NRP2: variants seen among roughly 807,000 people sequenced by gnomAD.
The protein encoded by NRP2 is neuropilin 2.
NRP2 carries 52 observed loss-of-function variants against 110.4 expected under a neutral mutation model. That is an observed-to-expected ratio of 0.47 (90% CI 0.38 to 0.59). The LOEUF is 0.59. NRP2 is among the 20% of genes least tolerant of loss of function. The pLI, the probability that NRP2 is intolerant of heterozygous loss-of-function variation, is 0.00. For missense variants in NRP2, 1,049 were observed against 1,203.0 expected (o/e 0.87, Z 1.89); for synonymous variants, 508 against 468.9 (o/e 1.08, Z -1.08).
At chr2:205,766,497 A>C (rs2057920372) in intron 14 of NRP2, among the ~76,000 whole-genome samples, 1 of 152,208 alleles carries the variant, frequency 6.6e-6, no homozygotes, top group Non-Finnish European at 1.5e-5. Flanking sequence ...AGTAATCAGC[A>C]GTAAGTAACT....
At chr2:205,697,788 C>A in intron 2 of NRP2, 67 bp downstream of exon 2, 1 of 1,465,878 alleles carries the variant, frequency 6.8e-7, no homozygotes, top group Non-Finnish European at 9.6e-7. Context: ...CCCACCCCTG[C>A]TCTTGTCACT....
intron 15 of NRP2, among the ~76,000 whole-genome samples, chr2:205,774,351 C>T (rs1035651882): frequency 1.3e-5 from 2 of 152,092 alleles, no homozygotes; most frequent in South Asian, 2.1e-4. Flanking sequence ...TAGTAAAAGA[C>T]AGAATTAGTT....
intron 15 of NRP2, among the ~76,000 whole-genome samples, chr2:205,780,618 GCCT>G (rs2058163076): frequency 6.6e-6 from 1 of 152,120 alleles, no homozygotes; most frequent in African/African-American, 2.4e-5. Context: ...TTTATCAGAG[GCCT>G]TCTGACAACC....
rs2056891267 is a variant in NRP2, at chr2:205,716,207, A to G, written c.266A>G (p.Glu89Gly). ...TCCCCACCCAGGTATGACTTTATCG[A>G]GATTCGGGATGGGGACAGTGAATCC... ...EKHDCKYDFI[E>G]IRDGDSESAD... Residue 89 changes from glutamate to glycine, a missense_variant, in exon 3 of 17, where the codon GAG (glutamate) becomes GGG (glycine). Transcript: ENST00000357785. The G allele has an allele frequency of 1.9e-6, 3 of 1,614,014 alleles. No individual in the cohort carries two copies. Among genetic ancestry groups the G allele is most frequent in the African/African-American group, 1.3e-5 (1 of 74,900 alleles).
intron 8 of NRP2, 31 bp from the exon 9 acceptor site, chr2:205,743,172 G>A (rs1365191994): frequency 1.2e-6 from 2 of 1,605,450 alleles, no homozygotes; most frequent in South Asian, 2.2e-5. Context: ...TGTCAGCCAT[G>A]ACCTCTTGTA....
intron 2 of NRP2, among the ~76,000 whole-genome samples, chr2:205,715,879 A>T (rs567203090): frequency 6.6e-6 from 1 of 152,334 alleles, no homozygotes. Context: ...CATAATGGAA[A>T]TAAAAATGGT....
At chr2:205,685,990 C>A (rs1303635758) in intron 1 of NRP2, among the ~76,000 whole-genome samples, 4 of 152,256 alleles carry the variant, frequency 2.6e-5, no homozygotes, top group Non-Finnish European at 5.9e-5. Context: ...GTGCGGCCAT[C>A]CACGTGGTGG....
At chr2:205,746,281 G>T (rs2057537820) in intron 10 of NRP2, among the ~76,000 whole-genome samples, 1 of 152,228 alleles carries the variant, frequency 6.6e-6, no homozygotes, top group African/African-American at 2.4e-5. Context: ...CTGGCCTCCA[G>T]ATGTCAGTGG....
rs77771583 is a variant in NRP2 at position 205,692,781 on chromosome 2, G to T, written c.74-4763G>T. ...TGAGTAAATGTCTTATTGTCTAGGA[G>T]GGTAGAGAATCTTTTGAATTCTTGG... On this transcript the variant is annotated intron_variant, in intron 1 of 16. Transcript: ENST00000357785. Among the ~76,000 whole-genome samples the T allele has an allele frequency of 3.9e-3, 598 of 152,302 alleles. 3 individuals are homozygous for T. The highest frequency in any genetic ancestry group is 0.013 in the African/African-American group (522 of 41,574).
chr2:205,733,741 C>T (rs983824623), intron 7 of NRP2, among the ~76,000 whole-genome samples: 4 of 152,116 alleles, frequency 2.6e-5, no homozygotes, highest in Non-Finnish European at 4.4e-5. Flanking sequence ...GACTGTTCCC[C>T]CCAAGCCCGC....
chr2:205,789,412 C>T (rs2058273031), intron 15 of NRP2, among the ~76,000 whole-genome samples: 1 of 152,182 alleles, frequency 6.6e-6, no homozygotes, highest in African/African-American at 2.4e-5. Context: ...ATTCCACTCT[C>T]CCTAGCCCAT....
chr2:205,743,804 C>T (rs1182793945), intron 9 of NRP2: 2 of 666,942 alleles, frequency 3.0e-6, no homozygotes, highest in Admixed American at 6.5e-5. Context: ...AGTGCAGTGG[C>T]CTGTTCTCGG....
At chr2:205,702,629 G>A (rs567312745) in intron 2 of NRP2, among the ~76,000 whole-genome samples, 5 of 152,214 alleles carry the variant, frequency 3.3e-5, no homozygotes, top group Non-Finnish European at 7.3e-5. Context: ...TTCTCCCAAA[G>A]TAAGAGATGA....
chr2:205,796,046 A>G lies in NRP2; in HGVS notation c.*988A>G, dbSNP rs1231517330. On this transcript the variant is annotated 3_prime_UTR_variant, in exon 17 of 17. Transcript: ENST00000357785. Reference sequence around the variant, plus strand: ...GTGATATTCTCAGAGGCAGGGGAAAATAGAGGGAAAAATAGAGACTATTGG... The same window carrying G: ...GTGATATTCTCAGAGGCAGGGGAAAGTAGAGGGAAAAATAGAGACTATTGG... 1 of 152,190 alleles carries G rather than the reference A, an allele frequency of 6.6e-6. No individual in the cohort carries two copies. The highest frequency in any genetic ancestry group is 1.5e-5 in the Non-Finnish European group (1 of 68,028). 9.4% of individuals were successfully genotyped at this position (152,190 alleles called of 1,614,324 possible).
chr2:205,790,489 T>C (rs1032182595), intron 15 of NRP2, among the ~76,000 whole-genome samples: 4 of 152,158 alleles, frequency 2.6e-5, no homozygotes, highest in Non-Finnish European at 5.9e-5. Flanking sequence ...GCATAGGATT[T>C]GGCCCAGAAG....
intron 7 of NRP2, among the ~76,000 whole-genome samples, chr2:205,737,854 A>G (rs915318612): frequency 6.6e-6 from 1 of 152,108 alleles, no homozygotes; most frequent in African/African-American, 2.4e-5. Context: ...GTAAGCAGAG[A>G]TTAGGGGGTT....
chr2:205,721,421 G>C lies in NRP2; in HGVS notation c.434-1057G>C, dbSNP rs187063564. Among the ~76,000 whole-genome samples the C allele has an allele frequency of 1.1e-4, 17 of 152,316 alleles. 2 individuals carry two copies. Among genetic ancestry groups the C allele is most frequent in the African/African-American group, 3.6e-4 (15 of 41,552 alleles). On this transcript the variant is annotated intron_variant, in intron 3 of 16. Transcript: ENST00000357785. ...TGTCCAGCACTTTCATTCATTGCGT[G>C]AATGTGCATGAGCTCGTGCTTCGTG...
intron 15 of NRP2, among the ~76,000 whole-genome samples, chr2:205,770,580 C>T (rs1434791571): frequency 1.3e-5 from 2 of 152,184 alleles, no homozygotes; most frequent in Non-Finnish European, 2.9e-5. Flanking sequence ...AGGGCCTGGC[C>T]TCACATTCCC....
chr2:205,698,310 GGATTT>G (rs1442650212), intron 2 of NRP2, among the ~76,000 whole-genome samples: 1 of 151,868 alleles, frequency 6.6e-6, no homozygotes, highest in Admixed American at 6.6e-5. Flanking sequence ...TCAGTGTCAT[GGATTT>G]ATTTAACAAA....
Sources: gnomAD v4.1 joint callset for allele counts (sites outside exome capture counted in the v4.1 genomes callset) on GRCh38, gnomAD v4.1.1 for gene constraint, MANE v1.5 for transcripts, NCBI Gene and HGNC (gene_info 2026-07-23, HGNC 2026-07-21) for gene names.